The following TIAM2 variants were observed in gnomAD, a reference collection of about 807,000 sequenced individuals.
TIAM2 encodes the protein rho guanine nucleotide exchange factor TIAM2.
In TIAM2, 80 loss-of-function variants were observed where a neutral mutation model predicts 152.9. The ratio of observed to expected loss-of-function variants is 0.52; its 90% CI spans 0.44 to 0.63. TIAM2 has a LOEUF of 0.63. Ranked by LOEUF, TIAM2 falls within the 30% of genes least tolerant of loss-of-function variation. The probability of loss-of-function intolerance (pLI) is 0.00; values close to 1 mark genes in which losing one functional copy is unlikely to be tolerated. For missense variants in TIAM2, 1,965 were observed against 2,120.1 expected (o/e 0.93, Z 1.44); for synonymous variants, 804 against 838.0 (o/e 0.96, Z 0.70).
In TIAM2 at chr6:155,174,988, G is replaced by A. The variant is rs1272235507; in HGVS notation, c.2362-1828G>A. ...CAGCATCTGTTTGTTGCTAAGCACC[G>A]GGTTGAAATCACTGCCCAGATGAAA... is the stretch of plus-strand genomic sequence containing the variant. On this transcript the variant is annotated intron_variant, in intron 9 of 26. Coordinates refer to ENST00000682666, the MANE Select transcript of TIAM2 (RefSeq NM_012454.4). This position sits in a 1 kb window ranked among gnomAD's most constrained non-coding sequence, Gnocchi z 4.2. Among the ~76,000 whole-genome samples the A allele has an allele frequency of 6.6e-6, 1 of 152,172 alleles. No homozygotes were observed. Among genetic ancestry groups the A allele is most frequent in the African/African-American group, 2.4e-5 (1 of 41,458 alleles).
intron 6 of TIAM2, among the ~76,000 whole-genome samples, chr6:155,146,852 C>G (rs919499359): frequency 1.3e-5 from 2 of 150,596 alleles, no homozygotes; most frequent in Non-Finnish European, 2.9e-5. Flanking sequence ...CTCCTGACCT[C>G]AAGTGACCTG....
rs751743104 is a variant in TIAM2, at chr6:155,256,994, A to ACAGT, written c.4985_4988dup (p.Glu1664ValfsTer2). Reference sequence around the variant, plus strand: ...GCGCAGATCCGTCACCAGTCCCTTGACAGTCAGTCTGAAAATGCCACCATC... The same window carrying ACAGT: ...GCGCAGATCCGTCACCAGTCCCTTGACAGTCAGTCAGTCTGAAAATGCCACCATC... On this transcript the variant is annotated frameshift_variant, in exon 27 of 27. Coordinates refer to ENST00000682666, the MANE Select transcript of TIAM2 (RefSeq NM_012454.4). LOFTEE classifies it high-confidence loss of function. The ACAGT allele has an allele frequency of 5.0e-6, 8 of 1,614,104 alleles. No individual in the cohort carries two copies. Among genetic ancestry groups the ACAGT allele is most frequent in the East Asian group, 2.2e-5 (1 of 44,898 alleles).
In TIAM2 at chr6:155,225,047, C is replaced by G. The variant is rs554960256; in HGVS notation, c.3168+13740C>G. On this transcript the variant is annotated intron_variant, in intron 15 of 26. Transcript: ENST00000682666. ...CTTGGCTGACTGCAACCTTTGCCTT[C>G]CAGGTTCAAGCAGTTCTCCCACCTC... Among the ~76,000 whole-genome samples, 5 of 152,296 alleles carry G rather than the reference C, an allele frequency of 3.3e-5. No homozygotes were observed. In the South Asian group the frequency reaches 1.0e-3, roughly 32 times the overall value.
At chr6:155,093,559 C>T (rs1021221779) in intron 2 of TIAM2, among the ~76,000 whole-genome samples, 7 of 152,204 alleles carry the variant, frequency 4.6e-5, no homozygotes. Context: ...AGCACTAGGA[C>T]CGGCAGGTAT....
intron 1 of TIAM2, among the ~76,000 whole-genome samples, chr6:155,068,602 G>GC (rs72285814): frequency 2.1e-5 from 3 of 143,260 alleles, no homozygotes; most frequent in Admixed American, 7.0e-5. Flanking sequence ...ACAGGCACCC[G>GC]CCCCCCCATC....
rs1176290107 is a variant in TIAM2 at position 155,251,055 on chromosome 6, C to T, written c.4060+34C>T. On this transcript the variant is annotated intron_variant, in intron 22 of 26. Transcript: ENST00000682666. ...TCCATTCAGAAGAATGCAGACTGAA[C>T]AGAGGCTGGGATTACGGAAGAACTT... The T allele has an allele frequency of 1.9e-6, 3 of 1,586,186 alleles. 1 individual carries two copies. The South Asian group carries it at 3.3e-5, about 18-fold the overall frequency.
chr6:155,244,550 CTT>C (rs1208104367), intron 17 of TIAM2, 106 bp from the exon 18 acceptor site: 1 of 1,359,614 alleles, frequency 7.4e-7, no homozygotes, highest in East Asian at 2.3e-5. Flanking sequence ...TTTCTGTCTG[CTT>C]TTCCGTGAAG....
intron 1 of TIAM2, among the ~76,000 whole-genome samples, chr6:155,024,652 T>TA (rs58181899): frequency 0.12 from 17,102 of 146,732 alleles, 1,203 homozygotes; most frequent in Admixed American, 0.2. Context: ...TCCATGTCTT[T>TA]AAAAAAAAAA....
At chr6:155,238,268 C>T (rs1168250945) in intron 15 of TIAM2, among the ~76,000 whole-genome samples, 1 of 152,240 alleles carries the variant, frequency 6.6e-6, no homozygotes, top group Non-Finnish European at 1.5e-5. Flanking sequence ...TCTGAGACCA[C>T]CTCAGCCTGG....
chr6:155,096,900 A>G (rs904701967), intron 2 of TIAM2, among the ~76,000 whole-genome samples: 10 of 152,108 alleles, frequency 6.6e-5, no homozygotes, highest in African/African-American at 2.4e-4. Context: ...TGGTAGTTCT[A>G]TTTTTAGTTT....
Position 154,997,348 on chromosome 6 carries a change from TGCCACCTTGCACA to T in TIAM2, c.-209+1858_-209+1870del, listed in dbSNP as rs535327483. Among the ~76,000 whole-genome samples, 42 of 152,334 alleles carry T rather than the reference TGCCACCTTGCACA, an allele frequency of 2.8e-4. 1 individual carries two copies. The East Asian group carries it at 7.9e-3, about 29-fold the overall frequency. ...ACATTTTTGTATATACCTCTGGCAC[TGCCACCTTGCACA>T]GTTGTTCAGGCTGTTCACTACACAA... On this transcript the variant is annotated intron_variant, in intron 1 of 26. Coordinates refer to ENST00000682666, the MANE Select transcript of TIAM2 (RefSeq NM_012454.4).
In TIAM2 at chr6:155,177,795, C is replaced by T. The variant is rs575461227; in HGVS notation, c.2523+818C>T. Among the ~76,000 whole-genome samples, 8 of 152,248 alleles carry T rather than the reference C, an allele frequency of 5.3e-5. No homozygotes were observed. In the South Asian group the frequency reaches 1.0e-3, roughly 20 times the overall value. On this transcript the variant is annotated intron_variant, in intron 10 of 26. Transcript: ENST00000682666. Reference sequence around the variant, plus strand: ...AATTTCCTTTTGCTCCCATATGTAACGTTTTTATTCAGAAAACCAACAATG... The same window carrying T: ...AATTTCCTTTTGCTCCCATATGTAATGTTTTTATTCAGAAAACCAACAATG...
intron 1 of TIAM2, among the ~76,000 whole-genome samples, chr6:155,073,537 C>T (rs184452502): frequency 3.9e-5 from 6 of 152,268 alleles, no homozygotes; most frequent in African/African-American, 1.4e-4. Flanking sequence ...TGATATTATA[C>T]AGATATTTCC....
Position 155,050,072 on chromosome 6 carries a change from A to G in TIAM2, c.-208-40217A>G, listed in dbSNP as rs1777284558. 2.0e-5 allele frequency among the ~76,000 whole-genome samples: 3 copies of G among 152,196 alleles called. 1 individual carries two copies. Among genetic ancestry groups the G allele is most frequent in the South Asian group, 4.1e-4 (2 of 4,834 alleles). ...TTTCATTTTTTTCTCATCACATAAAATGGATCCTCCTGGTAATAATTTATC... is the reference window on the plus strand; with the variant it reads ...TTTCATTTTTTTCTCATCACATAAAGTGGATCCTCCTGGTAATAATTTATC... On this transcript the variant is annotated intron_variant, in intron 1 of 26. Coordinates refer to ENST00000682666, the MANE Select transcript of TIAM2 (RefSeq NM_012454.4).
chr6:155,187,573 C>CCCATTT, intron 14 of TIAM2, among the ~76,000 whole-genome samples: 1 of 49,622 alleles, frequency 2.0e-5, no homozygotes, highest in South Asian at 9.5e-4. Context: ...ACCCCGCCCC[C>CCCATTT]TTTTTTTTTT....
rs115044947 is a variant in TIAM2, at chr6:155,151,422, T to G, written c.2028+3088T>G. On this transcript the variant is annotated intron_variant, in intron 7 of 26. Transcript: ENST00000682666. ...AACATATTTACACTATACCCATAAATTGCACTCCAAACAATGACCTAATCA... is the reference window on the plus strand; with the variant it reads ...AACATATTTACACTATACCCATAAAGTGCACTCCAAACAATGACCTAATCA... 3.1e-3 allele frequency among the ~76,000 whole-genome samples: 476 copies of G among 152,322 alleles called. 3 individuals carry two copies. Among genetic ancestry groups the G allele is most frequent in the African/African-American group, 0.011 (457 of 41,568 alleles).
intron 1 of TIAM2, among the ~76,000 whole-genome samples, chr6:155,014,924 G>T (rs950645533): frequency 6.6e-6 from 1 of 152,124 alleles, no homozygotes; most frequent in Non-Finnish European, 1.5e-5. Flanking sequence ...TGAGTTGTCC[G>T]TCAGGAGGCT....
chr6:155,193,018 G>A (rs148491588), intron 14 of TIAM2, among the ~76,000 whole-genome samples: 3 of 152,296 alleles, frequency 2.0e-5, no homozygotes, highest in Non-Finnish European at 2.9e-5. Context: ...TTACTCATGC[G>A]TGATTTCATA....
chr6:155,240,809 C>T (rs1300514381), intron 16 of TIAM2, 100 bp downstream of exon 16: 4 of 1,279,746 alleles, frequency 3.1e-6, no homozygotes, highest in Non-Finnish European at 4.3e-6. Context: ...GGACACCTGC[C>T]ACTCCCCAGG....
Sources: allele counts gnomAD v4.1 joint callset (sites outside exome capture counted in the v4.1 genomes callset), GRCh38; gene constraint gnomAD v4.1.1; non-coding constraint Gnocchi (gnomAD v3.1); transcripts MANE v1.5; gene names NCBI Gene and HGNC (gene_info 2026-07-23, HGNC 2026-07-21).